The following PPP1R12B variants were observed in gnomAD, a reference collection of about 807,000 sequenced individuals.
PPP1R12B encodes the protein myosin phosphatase target subunit 2.
Under a neutral mutation model 126.1 loss-of-function variants are expected in PPP1R12B, and 76 were observed. The ratio of observed to expected loss-of-function variants is 0.60; its 90% CI spans 0.50 to 0.73. The LOEUF is 0.73. Among genes scored for constraint, PPP1R12B ranks in the 30% least tolerant of loss-of-function variants. The pLI, the probability that PPP1R12B is intolerant of heterozygous loss-of-function variation, is 0.00. For synonymous variants in PPP1R12B, 356 were observed against 434.7 expected (o/e 0.82, Z 2.25); for missense variants, 1,052 against 1,205.1 (o/e 0.87, Z 1.88).
chr1:202,457,212 G>C (rs1419168485), intron 13 of PPP1R12B, among the ~76,000 whole-genome samples: 2 of 152,190 alleles, frequency 1.3e-5, no homozygotes, highest in African/African-American at 2.4e-5. Flanking sequence ...TTGAGAGACT[G>C]CCATGTGCCA....
intron 18 of PPP1R12B, among the ~76,000 whole-genome samples, chr1:202,525,093 G>A (rs767108319): frequency 6.6e-6 from 1 of 152,114 alleles, no homozygotes; most frequent in Non-Finnish European, 1.5e-5. Context: ...TAGCCAGGCT[G>A]GTCTAGAACT....
chr1:202,587,997 A>C lies in PPP1R12B; in HGVS notation c.*7437A>C, dbSNP rs1689927000. On this transcript the variant is annotated 3_prime_UTR_variant, in exon 24 of 24. Transcript: ENST00000608999. ...TGTGCCTACCACTGGCTGGCACACC[A>C]GGGCAATGATTTCCCTGCAGAAGGA... 1 of 152,204 alleles carries C rather than the reference A, an allele frequency of 6.6e-6. No individual in the cohort carries two copies. The highest frequency in any genetic ancestry group is 6.5e-5 in the Admixed American group (1 of 15,282). 9.4% of individuals were successfully genotyped at this position (152,204 alleles called of 1,614,324 possible).
chr1:202,534,563 CTTTTT>C (rs34606007), intron 18 of PPP1R12B, among the ~76,000 whole-genome samples: 1 of 132,948 alleles, frequency 7.5e-6, no homozygotes, highest in Non-Finnish European at 1.6e-5. Context: ...CTAGCTTTCC[CTTTTT>C]TTTTTTTTTT....
intron 23 of PPP1R12B, chr1:202,574,926 T>A (rs937917846): frequency 7.4e-7 from 1 of 1,346,870 alleles, no homozygotes; most frequent in African/African-American, 1.5e-5. Context: ...TTCTTTGTCC[T>A]ACTTTTCTCT....
intron 18 of PPP1R12B, among the ~76,000 whole-genome samples, chr1:202,522,629 T>A (rs764910507): frequency 1.3e-5 from 2 of 152,104 alleles, no homozygotes; most frequent in Non-Finnish European, 2.9e-5. Context: ...TATAAATTAA[T>A]CTACAAAGCC....
chr1:202,413,690 A>C (rs1667691137), intron 1 of PPP1R12B, among the ~76,000 whole-genome samples: 1 of 152,254 alleles, frequency 6.6e-6, no homozygotes, highest in Non-Finnish European at 1.5e-5. Flanking sequence ...GACCCTGCTT[A>C]CATGTTAATA....
rs189278710 is a variant in PPP1R12B, at chr1:202,516,383, T to C, written c.2490+19561T>C. On this transcript the variant is annotated intron_variant, in intron 18 of 23. Transcript: ENST00000608999. ...TGGAAAGATAAATTATAGCTACCAA[T>C]AGTCCTCTGTAATCACATCCAGTAG... Among the ~76,000 whole-genome samples the C allele has an allele frequency of 6.0e-4, 92 of 152,232 alleles. 2 individuals carry two copies. The highest frequency in any genetic ancestry group is 6.0e-3 in the Admixed American group (91 of 15,280).
chr1:202,358,192 A>G (rs1223764897), intron 1 of PPP1R12B, among the ~76,000 whole-genome samples: 3 of 152,172 alleles, frequency 2.0e-5, no homozygotes. Flanking sequence ...TTGGATTGCT[A>G]ATTGAGTGCT....
chr1:202,568,647 A>G (rs1030482197), intron 22 of PPP1R12B, among the ~76,000 whole-genome samples: 2 of 152,202 alleles, frequency 1.3e-5, no homozygotes, highest in Admixed American at 6.5e-5. Context: ...AGAAGCAACT[A>G]CAGGGGGAGG....
chr1:202,434,810 A>T (rs1380992979), intron 9 of PPP1R12B, 42 bp downstream of exon 9: 1 of 1,608,292 alleles, frequency 6.2e-7, no homozygotes, highest in South Asian at 1.1e-5. Flanking sequence ...ATTTCACCCT[A>T]CTGCAGTAGC....
At chr1:202,543,755 A>G (rs1472302149) in intron 18 of PPP1R12B, among the ~76,000 whole-genome samples, 6 of 152,224 alleles carry the variant, frequency 3.9e-5, no homozygotes, top group Admixed American at 3.9e-4. Context: ...ACAAAGAAAC[A>G]AACACATCCC....
At chr1:202,560,780 GA>G (rs1216045547) in intron 19 of PPP1R12B, among the ~76,000 whole-genome samples, 1 of 152,014 alleles carries the variant, frequency 6.6e-6, no homozygotes, top group African/African-American at 2.4e-5. Flanking sequence ...AAATGTCTCT[GA>G]CAATACCATA....
chr1:202,490,871 G>A (rs705740), intron 14 of PPP1R12B, among the ~76,000 whole-genome samples: 100,517 of 152,072 alleles, frequency 0.66, 33,354 homozygotes, highest in East Asian at 0.78. Context: ...ATCTGTCAGT[G>A]GACATTGGGT....
intron 21 of PPP1R12B, among the ~76,000 whole-genome samples, chr1:202,564,978 A>C (rs970242771): frequency 6.6e-6 from 1 of 152,208 alleles, no homozygotes; most frequent in Non-Finnish European, 1.5e-5. Context: ...CTAGAGAAGT[A>C]AGTGGTTTGC....
At chr1:202,424,197 T>C (rs1050553377) in intron 3 of PPP1R12B, among the ~76,000 whole-genome samples, 2 of 152,172 alleles carry the variant, frequency 1.3e-5, no homozygotes, top group African/African-American at 4.8e-5. Flanking sequence ...CATATATATG[T>C]TTAACTTTCC....
intron 1 of PPP1R12B, among the ~76,000 whole-genome samples, chr1:202,388,932 T>C (rs1441643325): frequency 6.6e-6 from 1 of 152,150 alleles, no homozygotes; most frequent in African/African-American, 2.4e-5. Context: ...GATAGAGGAA[T>C]AGATAAACAG....
At chr1:202,390,683 A>G (rs1188479886) in intron 1 of PPP1R12B, among the ~76,000 whole-genome samples, 2 of 135,864 alleles carry the variant, frequency 1.5e-5, no homozygotes, top group Admixed American at 7.6e-5. Flanking sequence ...TTTTTTTCAT[A>G]TGGGTTTTGC....
chr1:202,537,357 A>T (rs1445658401), intron 18 of PPP1R12B, among the ~76,000 whole-genome samples: 6 of 151,852 alleles, frequency 4.0e-5, no homozygotes, highest in Non-Finnish European at 8.8e-5. Flanking sequence ...CCGTCTCAAA[A>T]AAAAAAAAAA....
intron 18 of PPP1R12B, among the ~76,000 whole-genome samples, chr1:202,543,874 T>C (rs1049667837): frequency 3.3e-5 from 5 of 152,272 alleles, no homozygotes; most frequent in African/African-American, 1.2e-4. Flanking sequence ...ATTGCTATTT[T>C]GGTCTCTGTT....
Sources: allele counts gnomAD v4.1 joint callset (sites outside exome capture counted in the v4.1 genomes callset), GRCh38; gene constraint gnomAD v4.1.1; transcripts MANE v1.5; gene names NCBI Gene and HGNC (gene_info 2026-07-23, HGNC 2026-07-21).